GPR176: variants seen among roughly 807,000 people sequenced by gnomAD.
GPR176 encodes G-protein coupled receptor 176.
In GPR176, 26 loss-of-function variants were observed where a neutral mutation model predicts 35.4. The observed-to-expected ratio is 0.74, with a 90% CI of 0.54 to 1.02. The LOEUF is 1.02. Ranked by LOEUF, GPR176 falls within the 50% of genes least tolerant of loss-of-function variation. The probability of loss-of-function intolerance (pLI) is 0.00; values close to 1 mark genes in which losing one functional copy is unlikely to be tolerated. For missense variants in GPR176, 597 were observed against 665.3 expected, an observed-to-expected ratio of 0.90 and a Z score of 1.13; for synonymous variants, 278 against 271.3, an observed-to-expected ratio of 1.02 and a Z score of -0.24.
rs1898841102 is a variant in GPR176 at position 39,801,366 on chromosome 15, G to A, written c.1314C>T (p.Ala438=). The change falls in exon 3 of 3, where the codon GCC becomes GCT. Residue 438 remains alanine (A), a synonymous_variant. Transcript: ENST00000561100. ...CAGGGAATGTTTCAGGTTCCACAGG[G>A]GCTGCCGGTGCCACCTGGGATACAG... is the stretch of plus-strand genomic sequence containing the variant. The part of the protein sequence containing the change: ...VDSVSQVAPA[A]PVEPETFPDK... The A allele has an allele frequency of 1.9e-6, 3 of 1,614,182 alleles. No individual in the cohort carries two copies. The highest frequency in any genetic ancestry group is 2.5e-6 in the Non-Finnish European group (3 of 1,180,032).
chr15:39,907,912 G>C (rs2033468537), intron 1 of GPR176, among the ~76,000 whole-genome samples: 1 of 152,174 alleles, frequency 6.6e-6, no homozygotes, highest in African/African-American at 2.4e-5. Context: ...TCAAACCCAG[G>C]AGGCGGAGGT....
chr15:39,806,969 T>C (rs1566935001), intron 2 of GPR176, 37 bp downstream of exon 2: 2 of 1,414,284 alleles, frequency 1.4e-6, no homozygotes, highest in East Asian at 2.5e-5. Context: ...TAATACAACT[T>C]AAAAAAAAAA....
intron 1 of GPR176, among the ~76,000 whole-genome samples, chr15:39,810,205 T>G (rs1239299603): frequency 2.6e-5 from 4 of 151,846 alleles, no homozygotes; most frequent in Non-Finnish European, 5.9e-5. Flanking sequence ...GGCACATGTT[T>G]ACCTATGGAA....
intron 1 of GPR176, among the ~76,000 whole-genome samples, chr15:39,846,906 T>C (rs2030469984): frequency 6.6e-6 from 1 of 152,078 alleles, no homozygotes; most frequent in Admixed American, 6.5e-5. Context: ...TCCTCAAGTT[T>C]TCTAAATTAT....
At chr15:39,811,842 G>A (rs1343005258) in intron 1 of GPR176, among the ~76,000 whole-genome samples, 1 of 151,990 alleles carries the variant, frequency 6.6e-6, no homozygotes, top group Non-Finnish European at 1.5e-5. Context: ...CGTGAACCTG[G>A]GAGGCGGAGC....
intron 1 of GPR176, among the ~76,000 whole-genome samples, chr15:39,892,738 G>T (rs1595511336): frequency 1.3e-5 from 2 of 152,236 alleles, no homozygotes; most frequent in South Asian, 4.1e-4. Flanking sequence ...GCCGCCAAAA[G>T]CTAGGACTGA....
intron 1 of GPR176, among the ~76,000 whole-genome samples, chr15:39,833,111 T>C (rs1184549248): frequency 1.3e-5 from 2 of 152,094 alleles, no homozygotes; most frequent in Non-Finnish European, 2.9e-5. Context: ...GGGAGCATTA[T>C]TCTGCTGCCT....
chr15:39,801,907 G>A lies in GPR176; in HGVS notation c.773C>T (p.Ser258Phe), dbSNP rs1346494474. Residue 258 changes from serine (S) to phenylalanine (F), a missense_variant, in exon 3 of 3, where the codon TCC (serine) becomes TTC (phenylalanine). Ser to Phe is a radical substitution (Grantham distance 155). This residue lies in a region of GPR176 where 220 missense variants were observed against 297.6 expected (regional missense o/e 0.74). Coordinates refer to ENST00000561100, the MANE Select transcript of GPR176 (RefSeq NM_007223.3). ...PQNTISIPYA[S>F]QREAELHATL... ...GGCGTGCAGCTCGGCCTCCCGCTGG[G>A]AGGCATAGGGAATAGAGATGGTGTT... is the stretch of plus-strand genomic sequence containing the variant. 1 of 1,614,100 alleles carries A rather than the reference G, an allele frequency of 6.2e-7. No homozygotes were observed. The highest frequency in any genetic ancestry group is 1.3e-5 in the African/African-American group (1 of 75,028).
intron 1 of GPR176, among the ~76,000 whole-genome samples, chr15:39,895,188 T>G (rs929483338): frequency 1.3e-5 from 2 of 150,534 alleles, no homozygotes; most frequent in Non-Finnish European, 3.0e-5. Flanking sequence ...CAGCTTCGGC[T>G]CAGCATGAGA....
chr15:39,871,232 G>A (rs1402782473), intron 1 of GPR176, among the ~76,000 whole-genome samples: 1 of 152,144 alleles, frequency 6.6e-6, no homozygotes, highest in Non-Finnish European at 1.5e-5. Flanking sequence ...ACTAAGGAAT[G>A]GGTTCATAAC....
chr15:39,882,596 G>A (rs1323228005), intron 1 of GPR176, among the ~76,000 whole-genome samples: 1 of 152,202 alleles, frequency 6.6e-6, no homozygotes, highest in East Asian at 1.9e-4. Context: ...CAGCAAGGAA[G>A]AAGGTGTGAC....
chr15:39,822,193 C>T (rs539428732), intron 1 of GPR176, among the ~76,000 whole-genome samples: 1 of 152,318 alleles, frequency 6.6e-6, no homozygotes, highest in South Asian at 2.1e-4. Context: ...TTGATGCAAC[C>T]TTATGAGACA....
In GPR176 at chr15:39,799,338, A is replaced by T. The variant is rs1355345959; in HGVS notation, c.*1794T>A. The stretch of plus-strand genomic sequence containing the variant: ...GGGCCACAGCATTGACTATCAGGGC[A>T]AGGAGCTATAGATGCCATGCACGCA... On this transcript the variant is annotated 3_prime_UTR_variant, in exon 3 of 3. Coordinates refer to ENST00000561100, the MANE Select transcript of GPR176 (RefSeq NM_007223.3). The T allele has an allele frequency of 6.6e-6, 1 of 152,274 alleles. No individual in the cohort carries two copies. The highest frequency in any genetic ancestry group is 2.4e-5 in the African/African-American group (1 of 41,472). The allele number at this position is 152,274 out of a possible 1,614,324, so 9.4% of individuals were successfully genotyped here.
chr15:39,867,712 C>T (rs916753422), intron 1 of GPR176, among the ~76,000 whole-genome samples: 1 of 151,978 alleles, frequency 6.6e-6, no homozygotes, highest in Non-Finnish European at 1.5e-5. Context: ...AAGAGCAGAT[C>T]CTGGAGGCAT....
intron 1 of GPR176, among the ~76,000 whole-genome samples, chr15:39,911,105 A>C (rs2033566229): frequency 2.0e-5 from 3 of 151,976 alleles, no homozygotes; most frequent in Admixed American, 1.3e-4. Context: ...AAATGTTAAC[A>C]TTTGTTATTT....
chr15:39,919,413 T>C (rs2033813732), intron 1 of GPR176, among the ~76,000 whole-genome samples: 1 of 152,214 alleles, frequency 6.6e-6, no homozygotes, highest in African/African-American at 2.4e-5. Flanking sequence ...AATAATTGTA[T>C]ATATTATTAT....
chr15:39,911,295 T>C (rs1001316086), intron 1 of GPR176, among the ~76,000 whole-genome samples: 5 of 152,096 alleles, frequency 3.3e-5, no homozygotes, highest in African/African-American at 9.7e-5. Context: ...AAAAAATAAA[T>C]AAACAATTCC....
rs1351791707 is a variant in GPR176 at position 39,801,575 on chromosome 15, G to A, written c.1105C>T (p.Leu369Phe). Reference protein sequence around the residue: ...LEPSIRSGSQLLEMFHIGQQQ... With the variant: ...LEPSIRSGSQFLEMFHIGQQQ... ...TGCCCAATGTGGAACATCTCCAGGA[G>A]CTGGCTACCCGAGCGTATGCTGGGT... Residue 369 changes from leucine (L) to phenylalanine (F), a missense_variant, in exon 3 of 3, where the codon CTC becomes TTC. Physicochemically the swap from Leu to Phe is conservative, Grantham distance 22 (BLOSUM62 0). Transcript: ENST00000561100. The A allele has an allele frequency of 1.2e-6, 2 of 1,613,986 alleles. No individual in the cohort carries two copies. Among genetic ancestry groups the A allele is most frequent in the African/African-American group, 1.3e-5 (1 of 74,930 alleles).
In GPR176 at chr15:39,801,039, C is replaced by T. The variant is rs530925624; in HGVS notation, c.*93G>A. On this transcript the variant is annotated 3_prime_UTR_variant, in exon 3 of 3. Transcript: ENST00000561100. ...GGAGGAATCAACTCACACTGAGTTG[C>T]AAGGAGATCATACAATCACATGGCC... 1.9e-6 allele frequency: 2 copies of T among 1,078,980 alleles called. No homozygotes were observed. Among genetic ancestry groups the T allele is most frequent in the Non-Finnish European group, 2.7e-6 (2 of 736,998 alleles). 66.8% of individuals were successfully genotyped at this position (1,078,980 alleles called of 1,614,324 possible). A position where few individuals can be genotyped will look rare whatever the true frequency, so the allele number is the denominator to read the frequency against.
Sources: allele counts gnomAD v4.1 joint callset (sites outside exome capture counted in the v4.1 genomes callset), GRCh38; gene constraint gnomAD v4.1.1; regional missense constraint gnomAD v4.1.1; transcripts MANE v1.5; gene names NCBI Gene and HGNC (gene_info 2026-07-23, HGNC 2026-07-21).